Variants in TBCK observed in about 807,000 individuals in gnomAD.
TBCK encodes TBC1 domain containing kinase.
In TBCK, 99 loss-of-function variants were observed where a neutral mutation model predicts 113.4. The ratio of observed to expected loss-of-function variants is 0.87; its 90% confidence interval spans 0.74 to 1.03. The LOEUF is 1.03. TBCK is among the 50% of genes least tolerant of loss of function. The pLI is 0.00. For synonymous variants in TBCK, 369 were observed against 370.8 expected, an observed-to-expected ratio of 1.00 and a Z score of 0.05; for missense variants, 1,045 against 1,061.3, an observed-to-expected ratio of 0.98 and a Z score of 0.21.
chr4:106,137,190 G>A (rs1746656690), intron 23 of TBCK, among the ~76,000 whole-genome samples: 1 of 139,804 alleles, frequency 7.2e-6, no homozygotes, highest in Non-Finnish European at 1.6e-5. Context: ...CATAGAAATT[G>A]CAGTTTAGGT....
upstream of TBCK, chr4:106,316,606 C>T (rs1415030096): frequency 3.9e-6 from 6 of 1,550,692 alleles, no homozygotes; most frequent in South Asian, 1.2e-5. Context: ...TGAGTGACGT[C>T]GTGGCGGGTC....
At chr4:106,094,583 C>T (rs906502199) in intron 25 of TBCK, among the ~76,000 whole-genome samples, 2 of 152,098 alleles carry the variant, frequency 1.3e-5, no homozygotes, top group Non-Finnish European at 2.9e-5. Flanking sequence ...GGAATATGTA[C>T]AATCAAGGCA....
At chr4:106,163,773 T>G (rs1446656273) in intron 23 of TBCK, 1 of 152,158 alleles carries the variant, frequency 6.6e-6, no homozygotes, top group Non-Finnish European at 1.5e-5. Context: ...GGTCCTGTCC[T>G]TGACACATGG....
At chr4:106,084,376 C>A (rs115545598) in intron 25 of TBCK, among the ~76,000 whole-genome samples, 2,559 of 151,878 alleles carry the variant, frequency 0.017, 33 homozygotes, top group Middle Eastern at 0.099. Flanking sequence ...GACACAGAGA[C>A]AAGTATAGAG....
Position 106,046,374 on chromosome 4 carries a change from A to G in TBCK, c.*196T>C, listed in dbSNP as rs1229879006. 2 of 437,876 alleles carry G rather than the reference A, an allele frequency of 4.6e-6. No individual in the cohort carries two copies. Among genetic ancestry groups the G allele is most frequent in the African/African-American group, 4.1e-5 (2 of 48,798 alleles). 27.1% of individuals were successfully genotyped at this position (437,876 alleles called of 1,614,324 possible). On this transcript the variant is annotated 3_prime_UTR_variant, in exon 26 of 26. Coordinates refer to ENST00000394708, the MANE Select transcript of TBCK (RefSeq NM_001163435.3). ...CACTGTTAAGAAAATTCTTTCAGCA[A>G]TACATGTAGAGTCAAGTTTCTTGCA...
chr4:106,092,997 T>C (rs1740482918), intron 25 of TBCK, among the ~76,000 whole-genome samples: 1 of 152,164 alleles, frequency 6.6e-6, no homozygotes, highest in Non-Finnish European at 1.5e-5. Context: ...CATTTCAACA[T>C]GAGATTTGGA....
chr4:106,226,520 C>G (rs780942360), intron 19 of TBCK, among the ~76,000 whole-genome samples: 3 of 152,174 alleles, frequency 2.0e-5, no homozygotes, highest in Non-Finnish European at 4.4e-5. Context: ...TAGCCCAACA[C>G]TGTATATTAA....
chr4:106,101,478 A>G (rs72962601), intron 24 of TBCK, among the ~76,000 whole-genome samples: 4,173 of 152,290 alleles, frequency 0.027, 184 homozygotes, highest in African/African-American at 0.095. Flanking sequence ...GTATCTTTAA[A>G]TTGCTTTGAA....
intron 19 of TBCK, among the ~76,000 whole-genome samples, chr4:106,218,966 A>C (rs1018672736): frequency 2.6e-5 from 4 of 152,052 alleles, no homozygotes; most frequent in Non-Finnish European, 4.4e-5. Flanking sequence ...ACTTGGAACC[A>C]ACCCAAATGT....
intron 22 of TBCK, among the ~76,000 whole-genome samples, chr4:106,184,739 C>A (rs1472688149): frequency 6.6e-6 from 1 of 151,972 alleles, no homozygotes. Context: ...ATAATTCACC[C>A]AGCCTTTCAA....
At chr4:106,051,187 T>G (rs1183264303) in intron 25 of TBCK, among the ~76,000 whole-genome samples, 1 of 151,852 alleles carries the variant, frequency 6.6e-6, no homozygotes, top group Non-Finnish European at 1.5e-5. Flanking sequence ...TAGAACAGAA[T>G]CATGTCTCTC....
chr4:106,097,284 G>T (rs73836980), intron 24 of TBCK, among the ~76,000 whole-genome samples: 1,712 of 152,134 alleles, frequency 0.011, 31 homozygotes, highest in African/African-American at 0.039. Context: ...GGAAAATAAG[G>T]CACAAAAGAA....
chr4:106,279,655 T>A (rs1311024436), intron 3 of TBCK, among the ~76,000 whole-genome samples: 1 of 152,068 alleles, frequency 6.6e-6, no homozygotes, highest in Non-Finnish European at 1.5e-5. Context: ...TCTCCATGAG[T>A]TCCAATAAAC....
chr4:106,045,936 C>T lies in TBCK; in HGVS notation c.*634G>A, dbSNP rs573371550. On this transcript the variant is annotated 3_prime_UTR_variant, in exon 26 of 26. Transcript: ENST00000394708. ...AACTAGAAAATTTGTTTAAGCCATTCGTCTTTGCTACAGGAACTGACCAAA... is the reference window on the plus strand; with the variant it reads ...AACTAGAAAATTTGTTTAAGCCATTTGTCTTTGCTACAGGAACTGACCAAA... 1.2e-4 allele frequency: 18 copies of T among 152,284 alleles called. No individual in the cohort carries two copies. The highest frequency in any genetic ancestry group is 3.9e-4 in the Admixed American group (6 of 15,290). The allele number at this position is 152,284 out of a possible 1,614,324, so 9.4% of individuals were successfully genotyped here. A position where few individuals can be genotyped will look rare whatever the true frequency, so the allele number is the denominator to read the frequency against.
At chr4:106,235,972 C>CGTGA (rs1415672872) in intron 14 of TBCK, among the ~76,000 whole-genome samples, 1 of 151,942 alleles carries the variant, frequency 6.6e-6, no homozygotes, top group African/African-American at 2.4e-5. Context: ...TGCATCTGTG[C>CGTGA]TCACTTTGCT....
At chr4:106,166,072 T>TA (rs1288232426) in intron 23 of TBCK, among the ~76,000 whole-genome samples, 1 of 151,766 alleles carries the variant, frequency 6.6e-6, no homozygotes, top group East Asian at 1.9e-4. Flanking sequence ...TAAGAATATA[T>TA]AATATGAACC....
chr4:106,207,857 C>T lies in TBCK; in HGVS notation c.1860+4893G>A, dbSNP rs533248252. Among the ~76,000 whole-genome samples, 3 of 152,318 alleles carry T rather than the reference C, an allele frequency of 2.0e-5. No homozygotes were observed. The South Asian group carries it at 6.2e-4, about 32-fold the overall frequency. On this transcript the variant is annotated intron_variant, in intron 20 of 25. Transcript: ENST00000394708. ...GACAAGAAAACAGTTGTAGATGGGA[C>T]TCTTCTTCAGGTTAAGATATATTAT...
intron 22 of TBCK, among the ~76,000 whole-genome samples, chr4:106,177,686 C>T (rs970580195): frequency 1.3e-5 from 2 of 151,780 alleles, no homozygotes; most frequent in Non-Finnish European, 2.9e-5. Context: ...TTTCATTGGT[C>T]TATGTGCAGG....
chr4:106,149,085 C>G (rs1748174648), intron 23 of TBCK, among the ~76,000 whole-genome samples: 1 of 152,192 alleles, frequency 6.6e-6, no homozygotes, highest in African/African-American at 2.4e-5. Context: ...AACTTTTCTT[C>G]TGTACCTTCC....
Sources: gnomAD v4.1 joint callset for allele counts (sites outside exome capture counted in the v4.1 genomes callset) on GRCh38, gnomAD v4.1.1 for gene constraint, MANE v1.5 for transcripts, NCBI Gene and HGNC (gene_info 2026-07-23, HGNC 2026-07-21) for gene names.